EXT1: variants seen among roughly 807,000 people sequenced by gnomAD.
EXT1 encodes exostosin-1.
Under a neutral mutation model 82.5 loss-of-function variants are expected in EXT1, and 20 were observed. The ratio of observed to expected loss-of-function variants is 0.24; its 90% CI spans 0.17 to 0.35. The LOEUF (loss-of-function observed/expected upper bound fraction) is 0.35, where lower values mean the gene tolerates loss of function less well. Ranked by LOEUF, EXT1 falls within the 10% of genes least tolerant of loss-of-function variation. The probability of loss-of-function intolerance (pLI) is 1.00; values close to 1 mark genes in which losing one functional copy is unlikely to be tolerated. For synonymous variants in EXT1, 348 were observed against 350.8 expected, an observed-to-expected ratio of 0.99 and a Z score of 0.09; for missense variants, 757 against 936.5, an observed-to-expected ratio of 0.81 and a Z score of 2.50.
chr8:118,097,216 C>A (rs1817636705), intron 1 of EXT1, among the ~76,000 whole-genome samples: 1 of 152,200 alleles, frequency 6.6e-6, no homozygotes, highest in African/African-American at 2.4e-5. Flanking sequence ...GAGGCCAAAG[C>A]AGGCAGATCA....
At chr8:118,108,297 G>A (rs1450025608) in intron 1 of EXT1, among the ~76,000 whole-genome samples, 1 of 152,180 alleles carries the variant, frequency 6.6e-6, no homozygotes. Context: ...AGCCCTTTTA[G>A]AAGGATGAAG....
intron 1 of EXT1, among the ~76,000 whole-genome samples, chr8:117,917,547 G>A (rs951225598): frequency 1.3e-5 from 2 of 152,140 alleles, no homozygotes; most frequent in Non-Finnish European, 2.9e-5. Flanking sequence ...ATATGCTTTC[G>A]TAAAATTCTC....
At chr8:118,060,865 G>C (rs1029686341) in intron 1 of EXT1, among the ~76,000 whole-genome samples, 1 of 152,218 alleles carries the variant, frequency 6.6e-6, no homozygotes, top group Non-Finnish European at 1.5e-5. Flanking sequence ...AGAGCAATTT[G>C]AGGAAGACTT....
chr8:117,913,933 G>A (rs2129996105), intron 1 of EXT1, among the ~76,000 whole-genome samples: 1 of 152,318 alleles, frequency 6.6e-6, no homozygotes, highest in East Asian at 1.9e-4. Context: ...ACTTTGGTGG[G>A]CAGGCTTTAG....
chr8:118,021,342 C>A (rs1332620867), intron 1 of EXT1, among the ~76,000 whole-genome samples: 1 of 152,168 alleles, frequency 6.6e-6, no homozygotes, highest in African/African-American at 2.4e-5. Context: ...CATGAAAATT[C>A]TCTCTGGGTT....
At chr8:117,941,876 T>C (rs1452279817) in intron 1 of EXT1, among the ~76,000 whole-genome samples, 1 of 152,182 alleles carries the variant, frequency 6.6e-6, no homozygotes. Flanking sequence ...GCCTCACCCC[T>C]CTTGCTGTGT....
At chr8:117,906,652 C>T (rs1813549350) in intron 1 of EXT1, among the ~76,000 whole-genome samples, 1 of 152,184 alleles carries the variant, frequency 6.6e-6, no homozygotes, top group Non-Finnish European at 1.5e-5. Flanking sequence ...GTATCTTAAA[C>T]TTCTAACACA....
At chr8:117,955,185 G>A (rs1211484761) in intron 1 of EXT1, among the ~76,000 whole-genome samples, 4 of 152,140 alleles carry the variant, frequency 2.6e-5, no homozygotes, top group African/African-American at 9.7e-5. Flanking sequence ...CCATGGAGTC[G>A]GGGTGCACCA....
At position 118,082,844 on chromosome 8, in the gene EXT1, T is replaced by C. The variant is rs533559447; in HGVS notation, c.962+27241A>G. The stretch of plus-strand genomic sequence containing the variant: ...TGGTCTTCTGGACTTCATTTTAATT[T>C]CCCTCACTCATTCTAAATTTCTTCT... On this transcript the variant is annotated intron_variant, in intron 1 of 10. Coordinates refer to ENST00000378204, the MANE Select transcript of EXT1 (RefSeq NM_000127.3). 2.0e-4 allele frequency among the ~76,000 whole-genome samples: 30 copies of C among 152,318 alleles called. No homozygotes were observed. The South Asian group carries it at 3.1e-3, about 16-fold the overall frequency.
intron 1 of EXT1, among the ~76,000 whole-genome samples, chr8:117,918,767 A>G (rs1563600907): frequency 6.6e-6 from 1 of 152,214 alleles, no homozygotes; most frequent in East Asian, 1.9e-4. Context: ...TGCCACATGG[A>G]ATGGAAAAAC....
At chr8:118,041,705 G>A (rs193283286) in intron 1 of EXT1, among the ~76,000 whole-genome samples, 1 of 150,424 alleles carries the variant, frequency 6.6e-6, no homozygotes, top group African/African-American at 2.4e-5. Flanking sequence ...AAGGAAGGAA[G>A]GAAGGAAGGA....
intron 1 of EXT1, among the ~76,000 whole-genome samples, chr8:117,881,796 T>C (rs1813063731): frequency 6.6e-6 from 1 of 152,156 alleles, no homozygotes; most frequent in African/African-American, 2.4e-5. Flanking sequence ...GATTTTGTGG[T>C]CGAAGTGATG....
intron 10 of EXT1, among the ~76,000 whole-genome samples, chr8:117,801,223 G>A (rs150364411): frequency 6.6e-6 from 1 of 152,304 alleles, no homozygotes; most frequent in Non-Finnish European, 1.5e-5. Flanking sequence ...TGTTTTCATG[G>A]AGTTCATTTG....
chr8:118,042,062 C>T (rs148027609), intron 1 of EXT1, among the ~76,000 whole-genome samples: 1 of 152,148 alleles, frequency 6.6e-6, no homozygotes, highest in Non-Finnish European at 1.5e-5. Flanking sequence ...AAATGAGGAC[C>T]CCCTCGTACC....
At chr8:117,872,032 T>A (rs1812881997) in intron 1 of EXT1, among the ~76,000 whole-genome samples, 2 of 151,894 alleles carry the variant, frequency 1.3e-5, no homozygotes, top group South Asian at 4.2e-4. Context: ...CTTGGGAGGC[T>A]GAGGTGGAAG....
Position 117,948,859 on chromosome 8 carries a change from C to A in EXT1, c.963-111658G>T, listed in dbSNP as rs114338919. On this transcript the variant is annotated intron_variant, in intron 1 of 10. Coordinates refer to ENST00000378204, the MANE Select transcript of EXT1 (RefSeq NM_000127.3). ...ATGCTGAGATATTTTTCCTGTTTATCTACTTATGTTTTGGGTTGTTGGTTT... is the reference window on the plus strand; with the variant it reads ...ATGCTGAGATATTTTTCCTGTTTATATACTTATGTTTTGGGTTGTTGGTTT... Among the ~76,000 whole-genome samples the A allele has an allele frequency of 7.9e-3, 1,202 of 152,282 alleles. 15 individuals are homozygous for A. The highest frequency in any genetic ancestry group is 0.028 in the African/African-American group (1,156 of 41,568).
chr8:118,037,830 T>TTTTTTG (rs1816450791), intron 1 of EXT1, among the ~76,000 whole-genome samples: 2 of 145,546 alleles, frequency 1.4e-5, no homozygotes, highest in African/African-American at 5.4e-5. Flanking sequence ...AACAAGAGTG[T>TTTTTTG]TTTTTGTTTT....
At chr8:117,943,464 A>G (rs1287389216) in intron 1 of EXT1, among the ~76,000 whole-genome samples, 2 of 150,230 alleles carry the variant, frequency 1.3e-5, no homozygotes, top group Non-Finnish European at 2.9e-5. Context: ...CTATATAGTC[A>G]CATACAAAAA....
intron 1 of EXT1, among the ~76,000 whole-genome samples, chr8:118,092,681 G>A (rs949942203): frequency 6.6e-6 from 1 of 152,186 alleles, no homozygotes; most frequent in South Asian, 2.1e-4. Context: ...CCCTCCGCAC[G>A]TGTTGGAAAT....
Sources: allele counts gnomAD v4.1 joint callset (sites outside exome capture counted in the v4.1 genomes callset), GRCh38; gene constraint gnomAD v4.1.1; transcripts MANE v1.5; gene names NCBI Gene and HGNC (gene_info 2026-07-23, HGNC 2026-07-21).